Variants in ZCCHC7 observed in about 807,000 individuals in gnomAD.
ZCCHC7 encodes the protein zinc finger CCHC domain-containing protein 7.
In ZCCHC7, 35 loss-of-function variants were observed where a neutral mutation model predicts 52.0. The observed-to-expected ratio is 0.67, with a 90% CI of 0.51 to 0.89. The LOEUF is 0.89. Among genes scored for constraint, ZCCHC7 ranks in the 40% least tolerant of loss-of-function variants. The pLI, the probability that ZCCHC7 is intolerant of heterozygous loss-of-function variation, is 0.00. For synonymous variants in ZCCHC7, 217 were observed against 221.5 expected (o/e 0.98, Z 0.18); for missense variants, 574 against 649.1 (o/e 0.88, Z 1.26).
chr9:37,300,479 C>G (rs1158304177), intron 2 of ZCCHC7, among the ~76,000 whole-genome samples: 5 of 152,226 alleles, frequency 3.3e-5, no homozygotes, highest in Admixed American at 6.5e-5. Flanking sequence ...TACATGGATA[C>G]AGCCTCCAAA....
intron 2 of ZCCHC7, among the ~76,000 whole-genome samples, chr9:37,237,534 T>G (rs1825707783): frequency 6.6e-6 from 1 of 152,224 alleles, no homozygotes; most frequent in African/African-American, 2.4e-5. Flanking sequence ...ATATTTCATC[T>G]CCTTAACCGT....
intron 2 of ZCCHC7, 51 bp from the exon 3 acceptor site, chr9:37,302,137 A>G (rs1238573038): frequency 2.8e-6 from 4 of 1,451,724 alleles, no homozygotes; most frequent in Non-Finnish European, 3.9e-6. Context: ...TTGTCAATCT[A>G]TAAGTCCTTT....
intron 5 of ZCCHC7, 73 bp from the exon 6 acceptor site, chr9:37,327,726 G>C (rs1830306033): frequency 6.4e-7 from 1 of 1,559,438 alleles, no homozygotes; most frequent in African/African-American, 1.4e-5. Context: ...TGGATGCTGG[G>C]TTATGCCAAA....
chr9:37,222,633 T>C (rs892887951), intron 2 of ZCCHC7, among the ~76,000 whole-genome samples: 29 of 152,078 alleles, frequency 1.9e-4, no homozygotes, highest in Admixed American at 2.0e-4. Context: ...TTAGAAACTA[T>C]AGTTACCAAT....
chr9:37,196,567 G>C (rs1823299224), intron 2 of ZCCHC7, among the ~76,000 whole-genome samples: 1 of 152,138 alleles, frequency 6.6e-6, no homozygotes, highest in Middle Eastern at 3.4e-3. Context: ...TATTTTGTTT[G>C]ATTTTTCTAT....
At chr9:37,174,196 C>A (rs1175901241) in intron 2 of ZCCHC7, among the ~76,000 whole-genome samples, 1 of 152,116 alleles carries the variant, frequency 6.6e-6, no homozygotes, top group Admixed American at 6.5e-5. Context: ...GTAATCTCAG[C>A]TCCTTGGGAG....
At chr9:37,245,409 C>T (rs1042905246) in intron 2 of ZCCHC7, among the ~76,000 whole-genome samples, 2 of 151,944 alleles carry the variant, frequency 1.3e-5, no homozygotes, top group East Asian at 3.8e-4. Context: ...TTAAAATATA[C>T]TAGCAAATTA....
intron 2 of ZCCHC7, among the ~76,000 whole-genome samples, chr9:37,212,171 C>T (rs1244440885): frequency 9.6e-5 from 14 of 146,362 alleles, no homozygotes; most frequent in African/African-American, 1.3e-4. Flanking sequence ...GCTGGGGAGG[C>T]GGAGGAGGCA....
At chr9:37,179,055 C>T (rs1393355013) in intron 2 of ZCCHC7, among the ~76,000 whole-genome samples, 1 of 152,096 alleles carries the variant, frequency 6.6e-6, no homozygotes, top group African/African-American at 2.4e-5. Context: ...GTACTGTTTG[C>T]ATCTTTTCCG....
chr9:37,304,243 C>G lies in ZCCHC7; in HGVS notation c.710C>G (p.Ala237Gly). 6 of 1,613,738 alleles carry G rather than the reference C, an allele frequency of 3.7e-6. No individual in the cohort carries two copies. Among genetic ancestry groups the G allele is most frequent in the Non-Finnish European group, 5.1e-6 (6 of 1,179,822 alleles). ...AGATGGACCCAGCGGTACTATTCAG[C>G]CAACAAAAACATTATCTGTAGAAAT... ...PGRWTQRYYS[A>G]NKNIICRNCD... Residue 237 changes from alanine (A) to glycine (G), a missense_variant, in exon 4 of 9, where the codon GCC becomes GGC. Coordinates refer to ENST00000336755, the MANE Select transcript of ZCCHC7 (RefSeq NM_032226.3).
intron 2 of ZCCHC7, among the ~76,000 whole-genome samples, chr9:37,195,518 G>A (rs79260284): frequency 6.6e-6 from 1 of 152,254 alleles, no homozygotes; most frequent in African/African-American, 2.4e-5. Flanking sequence ...AGTTTAATGA[G>A]TGGGAAGATG....
chr9:37,242,706 A>G (rs759408834), intron 2 of ZCCHC7, among the ~76,000 whole-genome samples: 1 of 151,818 alleles, frequency 6.6e-6, no homozygotes, highest in Non-Finnish European at 1.5e-5. Context: ...CTGAGATACT[A>G]TTGGAAATCT....
intron 2 of ZCCHC7, among the ~76,000 whole-genome samples, chr9:37,248,122 C>T (rs1247604270): frequency 1.3e-5 from 2 of 151,954 alleles, no homozygotes; most frequent in African/African-American, 4.8e-5. Context: ...ATATATAAGC[C>T]AGCATAAATG....
chr9:37,190,945 C>T (rs921282557), intron 2 of ZCCHC7, among the ~76,000 whole-genome samples: 16 of 152,002 alleles, frequency 1.1e-4, no homozygotes, highest in Admixed American at 9.8e-4. Flanking sequence ...TTGCTTGAAC[C>T]CGGGAGGCGG....
intron 6 of ZCCHC7, among the ~76,000 whole-genome samples, chr9:37,330,365 C>T (rs1394249820): frequency 6.6e-6 from 1 of 151,560 alleles, no homozygotes. Flanking sequence ...CAGCTAGACT[C>T]GACTACATTA....
At chr9:37,132,484 T>C (rs1842826552) in intron 2 of ZCCHC7, among the ~76,000 whole-genome samples, 1 of 152,260 alleles carries the variant, frequency 6.6e-6, no homozygotes, top group Non-Finnish European at 1.5e-5. Context: ...CCCTCTGTTA[T>C]TTTGAAGCTC....
At chr9:37,234,017 C>G (rs1467087522) in intron 2 of ZCCHC7, among the ~76,000 whole-genome samples, 1 of 151,910 alleles carries the variant, frequency 6.6e-6, no homozygotes, top group Non-Finnish European at 1.5e-5. Flanking sequence ...CCACGCCCGG[C>G]TAATATTTGT....
intron 5 of ZCCHC7, among the ~76,000 whole-genome samples, chr9:37,312,649 G>A (rs541145222): frequency 2.0e-5 from 3 of 152,200 alleles, no homozygotes; most frequent in East Asian, 1.9e-4. Context: ...TGGGCGCAGT[G>A]GCTCATGCCA....
chr9:37,310,621 A>G (rs1197011011), intron 5 of ZCCHC7, among the ~76,000 whole-genome samples: 5 of 152,178 alleles, frequency 3.3e-5, no homozygotes, highest in African/African-American at 9.7e-5. Context: ...CTTTATGACT[A>G]TGTGGAGAAA....
Sources: allele counts gnomAD v4.1 joint callset (sites outside exome capture counted in the v4.1 genomes callset), GRCh38; gene constraint gnomAD v4.1.1; transcripts MANE v1.5; gene names NCBI Gene and HGNC (gene_info 2026-07-23, HGNC 2026-07-21).